RANBP2: variants seen among roughly 807,000 people sequenced by gnomAD.
RANBP2 encodes RAN binding protein 2.
RANBP2 carries 57 observed loss-of-function variants against 303.6 expected under a neutral mutation model. The observed-to-expected ratio is 0.19, with a 90% CI of 0.15 to 0.23. The LOEUF (loss-of-function observed/expected upper bound fraction) is 0.23, where lower values mean the gene tolerates loss of function less well. Among genes scored for constraint, RANBP2 ranks in the 10% least tolerant of loss-of-function variants. RANBP2 has a pLI of 1.00. For missense variants in RANBP2, 3,138 were observed against 3,780.8 expected (o/e 0.83, Z 4.46); for synonymous variants, 1,167 against 1,301.5 (o/e 0.90, Z 2.23).
At position 108,773,064 on chromosome 2, in the gene RANBP2, A is replaced by G; in HGVS notation, c.8292+18A>G. ...AAGCTCAAGTAAGAACATCTCTAAT[A>G]AATTTTCCTTCTAGTTCCATTGCCT... is the stretch of plus-strand genomic sequence containing the variant. On this transcript the variant is annotated intron_variant, in intron 23 of 28. Transcript: ENST00000283195. 1 of 1,598,872 alleles carries G rather than the reference A, an allele frequency of 6.3e-7. No homozygotes were observed. Among genetic ancestry groups the G allele is most frequent in the South Asian group, 1.1e-5 (1 of 89,282 alleles).
the RANBP2 span, among the ~76,000 whole-genome samples, chr2:109,349,711 G>C: frequency 2.0e-5 from 3 of 152,222 alleles, no homozygotes; most frequent in Non-Finnish European, 4.4e-5. Flanking sequence ...CTCTCCACTC[G>C]GGAGAACCCA....
Position 108,736,173 on chromosome 2 carries a change from C to G in RANBP2, c.706C>G (p.Leu236Val), listed in dbSNP as rs1251426896. 6.2e-7 allele frequency: 1 copy of G among 1,611,948 alleles called. No homozygotes were observed. Among genetic ancestry groups the G allele is most frequent in the East Asian group, 2.2e-5 (1 of 44,858 alleles). Residue 236 changes from leucine (L) to valine (V), a missense_variant, in exon 6 of 29, where the codon CTG becomes GTG. Transcript: ENST00000283195. ...CTGGCGAGCAACCAATACAGACTTACTGCTGGCCTATGCTAATCTTATGCT... is the reference window on the plus strand; with the variant it reads ...CTGGCGAGCAACCAATACAGACTTAGTGCTGGCCTATGCTAATCTTATGCT... Reference protein sequence around the residue: ...SDWRATNTDLLLAYANLMLLT... With the variant: ...SDWRATNTDLVLAYANLMLLT...
downstream of RANBP2, among the ~76,000 whole-genome samples, chr2:108,789,402 G>C (rs1206669501): frequency 6.6e-6 from 1 of 152,048 alleles, no homozygotes; most frequent in East Asian, 1.9e-4. Context: ...AGACCATCCT[G>C]GCCAACATGG....
At chr2:109,370,341 G>A in the RANBP2 span, among the ~76,000 whole-genome samples, 14 of 152,078 alleles carry the variant, frequency 9.2e-5, no homozygotes, top group East Asian at 2.7e-3. Flanking sequence ...CCGGGTTCAA[G>A]CGATTCTCCT....
At chr2:108,915,812 G>A in the RANBP2 span, among the ~76,000 whole-genome samples, 1 of 152,064 alleles carries the variant, frequency 6.6e-6, no homozygotes, top group Non-Finnish European at 1.5e-5. Flanking sequence ...CAAGAGAATC[G>A]CTGGAACCCG....
the RANBP2 span, among the ~76,000 whole-genome samples, chr2:109,656,629 C>T: frequency 9.8e-5 from 15 of 152,294 alleles, no homozygotes; most frequent in South Asian, 2.3e-3. Context: ...CATGAGCCAC[C>T]GCACCTGGCC....
chr2:109,208,115 TG>T, the RANBP2 span, among the ~76,000 whole-genome samples: 2 of 152,264 alleles, frequency 1.3e-5, no homozygotes, highest in South Asian at 4.1e-4. Flanking sequence ...ACACACATGC[TG>T]CTGCCCCCAT....
chr2:108,788,729 AAAAG>A, downstream of RANBP2: 10 of 1,393,306 alleles, frequency 7.2e-6, no homozygotes, highest in Non-Finnish European at 8.5e-6. Flanking sequence ...CAAAGAAAAA[AAAAG>A]AAAAAAAAAT....
the RANBP2 span, among the ~76,000 whole-genome samples, chr2:109,193,057 T>C: frequency 2.0e-5 from 3 of 152,324 alleles, no homozygotes; most frequent in Admixed American, 2.0e-4. Context: ...GCCAAGAAAT[T>C]ACTTAGTGTG....
chr2:109,190,394 A>G, the RANBP2 span, among the ~76,000 whole-genome samples: 1 of 152,204 alleles, frequency 6.6e-6, no homozygotes, highest in African/African-American at 2.4e-5. Flanking sequence ...GGCTGGTCTC[A>G]AATTCCTGAC....
the RANBP2 span, among the ~76,000 whole-genome samples, chr2:109,235,261 G>T: frequency 6.6e-5 from 10 of 152,298 alleles, no homozygotes; most frequent in Non-Finnish European, 1.3e-4. Flanking sequence ...GGGAGGACTG[G>T]TTGGTGGGCC....
the RANBP2 span, chr2:109,130,070 G>T: frequency 7.3e-7 from 1 of 1,368,026 alleles, no homozygotes; most frequent in South Asian, 1.7e-5. Flanking sequence ...ACCGCCGGCA[G>T]TCTGCGGGAG....
chr2:109,469,805 A>G, the RANBP2 span, among the ~76,000 whole-genome samples: 1 of 152,214 alleles, frequency 6.6e-6, no homozygotes, highest in Admixed American at 6.5e-5. Flanking sequence ...GCTTTTCCTC[A>G]GAAGGTAGAT....
intron 8 of RANBP2, among the ~76,000 whole-genome samples, chr2:108,747,494 C>G (rs558975976): frequency 3.9e-5 from 6 of 152,296 alleles, no homozygotes; most frequent in Admixed American, 6.5e-5. Flanking sequence ...GGCTGTTGGC[C>G]AGAGCTCACA....
At chr2:108,998,719 G>A in the RANBP2 span, among the ~76,000 whole-genome samples, 5 of 151,880 alleles carry the variant, frequency 3.3e-5, no homozygotes, top group East Asian at 1.9e-4. Context: ...GCAGACCACA[G>A]AGCTCCACAA....
the RANBP2 span, among the ~76,000 whole-genome samples, chr2:109,249,605 TTCTTTCTTTC>T: frequency 1.4e-4 from 21 of 145,536 alleles, no homozygotes; most frequent in Admixed American, 5.5e-4. Flanking sequence ...TTCTTTTTCT[TTCTTTCTTTC>T]TCTTTCTTTC....
chr2:109,609,501 G>T, the RANBP2 span, among the ~76,000 whole-genome samples: 26,105 of 151,822 alleles, frequency 0.17, 2,569 homozygotes, highest in African/African-American at 0.27. Flanking sequence ...CTGGCTGCCA[G>T]GGGCTGGGGT....
At chr2:109,398,820 C>T in the RANBP2 span, 1 of 1,613,898 alleles carries the variant, frequency 6.2e-7, no homozygotes, top group Non-Finnish European at 8.5e-7. Flanking sequence ...ACAGATCCTC[C>T]CAGGCTGCCA....
the RANBP2 span, among the ~76,000 whole-genome samples, chr2:109,123,315 TTTCTTTCCTTCCTTCC>T: frequency 4.3e-4 from 60 of 140,526 alleles, no homozygotes; most frequent in South Asian, 1.4e-3. Flanking sequence ...GTGGCTTTTC[TTTCTTTCCTTCCTTCC>T]TTCCTTCCTT....
Sources: allele counts gnomAD v4.1 joint callset (sites outside exome capture counted in the v4.1 genomes callset), GRCh38; gene constraint gnomAD v4.1.1; transcripts MANE v1.5; gene names NCBI Gene and HGNC (gene_info 2026-07-23, HGNC 2026-07-21).